FCGR3B: variants seen among roughly 807,000 people sequenced by gnomAD.
FCGR3B encodes the protein low affinity immunoglobulin gamma Fc region receptor III-B.
Under a neutral mutation model 26.7 loss-of-function variants are expected in FCGR3B, and 20 were observed. That is an observed-to-expected ratio of 0.75 (90% CI 0.53 to 1.09). The LOEUF is 1.09. Ranked by LOEUF, FCGR3B falls within the 50% of genes least tolerant of loss-of-function variation. The probability of loss-of-function intolerance (pLI) is 0.00; values close to 1 mark genes in which losing one functional copy is unlikely to be tolerated. For missense variants in FCGR3B, 191 were observed against 279.7 expected (o/e 0.68, Z 2.26); for synonymous variants, 79 against 107.0 (o/e 0.74, Z 1.62).
chr1:161,628,059 G>T (rs1389941785), intron 3 of FCGR3B, among the ~76,000 whole-genome samples: 1 of 149,914 alleles, frequency 6.7e-6, no homozygotes, highest in Non-Finnish European at 1.5e-5. Context: ...AGATCACGAG[G>T]TCAGGAGATC....
intron 3 of FCGR3B, among the ~76,000 whole-genome samples, chr1:161,627,482 C>T (rs1679523985): frequency 6.7e-6 from 1 of 150,298 alleles, no homozygotes; most frequent in South Asian, 2.1e-4. Context: ...AATCTACTAC[C>T]TGATGCTAAA....
chr1:161,630,323 A>C (rs371316101), intron 2 of FCGR3B, 45 bp downstream of exon 2: 1 of 1,570,932 alleles, frequency 6.4e-7, no homozygotes, highest in Non-Finnish European at 8.7e-7. Context: ...CATTGTCCCC[A>C]TATGTGCCCC....
rs375134752 is a variant in FCGR3B, at chr1:161,630,374, G to A, written c.55C>T (p.Arg19Trp). The A allele has an allele frequency of 1.8e-5, 29 of 1,605,186 alleles. No homozygotes were observed. The highest frequency in any genetic ancestry group is 3.4e-5 in the Admixed American group (2 of 59,370). Residue 19 changes from arginine to tryptophan, a missense_variant, in exon 2 of 5, where the codon CGG becomes TGG. This residue lies in a region of FCGR3B where 88 missense variants were observed against 165.2 expected (regional missense o/e 0.53). Coordinates refer to ENST00000650385, the MANE Select transcript of FCGR3B (RefSeq NM_001244753.2). ...ALLLLVSAGMRTEDLPKAVVF... is the reference protein window; with the variant it reads ...ALLLLVSAGMWTEDLPKAVVF... ...GACCATGAAGCTGACTCACCAGTCC[G>A]CATGCCAGCTGAAACTGCAAGAAAA...
Position 161,631,044 on chromosome 1 carries a change from T to A in FCGR3B, c.40+11A>T. On this transcript the variant is annotated intron_variant, in intron 1 of 4. Transcript: ENST00000650385. ...CAAACTTCTCCCTCAACCAGGGAGA[T>A]CCTGACTTACCTAGAAGTAGCAGAG... 1 of 1,604,310 alleles carries A rather than the reference T, an allele frequency of 6.2e-7. No individual in the cohort carries two copies. Among genetic ancestry groups the A allele is most frequent in the Non-Finnish European group, 8.5e-7 (1 of 1,176,498 alleles).
In FCGR3B at chr1:161,625,027, A is replaced by C. The variant is rs568351442; in HGVS notation, c.578-388T>G. On this transcript the variant is annotated intron_variant, in intron 4 of 4. Coordinates refer to ENST00000650385, the MANE Select transcript of FCGR3B (RefSeq NM_001244753.2). ...AAACTCTTGATTTTGATATATTTCC[A>C]AACTTAAAAAAAATGACCAGAATAG... Among the ~76,000 whole-genome samples, 8 of 139,542 alleles carry C rather than the reference A, an allele frequency of 5.7e-5. 1 individual carries two copies. Among genetic ancestry groups the C allele is most frequent in the South Asian group, 4.6e-4 (2 of 4,324 alleles). 91.5% of individuals were successfully genotyped at this position (139,542 alleles called of 152,430 possible).
At position 161,630,971 on chromosome 1, in the gene FCGR3B, G is replaced by T. The variant is rs1434239422; in HGVS notation, c.40+84C>A. On this transcript the variant is annotated intron_variant, in intron 1 of 4. Coordinates refer to ENST00000650385, the MANE Select transcript of FCGR3B (RefSeq NM_001244753.2). ...TGAGGGGTCCCATCCCTTTGTGGGA[G>T]TCTCATTCGTAGCCTGAAAAGGGGT... 9 of 1,505,666 alleles carry T rather than the reference G, an allele frequency of 6.0e-6. No homozygotes were observed. In the South Asian group the frequency reaches 9.5e-5, roughly 16 times the overall value. 93.3% of individuals were successfully genotyped at this position (1,505,666 alleles called of 1,614,324 possible). A position where few individuals can be genotyped will look rare whatever the true frequency, so the allele number is the denominator to read the frequency against.
At position 161,624,185 on chromosome 1, in the gene FCGR3B, G is replaced by T; in HGVS notation, c.*330C>A. ...TATTGTTGCTTTGCTGTGAGGGAAT[G>T]GTTGGGACAGAAAAAGTGTTTGTGT... On this transcript the variant is annotated 3_prime_UTR_variant, in exon 5 of 5. Transcript: ENST00000650385. 3.4e-6 allele frequency: 1 copy of T among 295,036 alleles called. No individual in the cohort carries two copies. Among genetic ancestry groups the T allele is most frequent in the South Asian group, 7.3e-5 (1 of 13,780 alleles). The allele number at this position is 295,036 out of a possible 1,614,324, so 18.3% of individuals were successfully genotyped here.
chr1:161,631,940 G>A (rs1679764706), upstream of FCGR3B: 1 of 147,980 alleles, frequency 6.8e-6, no homozygotes, highest in African/African-American at 2.5e-5. Flanking sequence ...CCGGGCCACT[G>A]GATCTGGGCT....
rs532065559 is a variant in FCGR3B, at chr1:161,629,949, C to G, written c.148G>C (p.Ala50Pro). ...GTGGAATTGTCCTCAGGGGAGTAGG[C>G]TCCCTGGCACTTCAGAGTCACACTG... is the stretch of plus-strand genomic sequence containing the variant. ...KDSVTLKCQGAYSPEDNSTQW... is the reference protein window; with the variant it reads ...KDSVTLKCQGPYSPEDNSTQW... The change falls in exon 3 of 5, where the codon GCC becomes CCC. Residue 50 changes from alanine to proline, a missense_variant. By Grantham distance (27) the Ala-to-Pro change is conservative. Around this residue, in one of 2 missense-constraint regions of FCGR3B, gnomAD observed 88 missense variants for 165.2 expected, o/e 0.53. Coordinates refer to ENST00000650385, the MANE Select transcript of FCGR3B (RefSeq NM_001244753.2). 6.6e-7 allele frequency: 1 copy of G among 1,516,512 alleles called. No individual in the cohort carries two copies. Among genetic ancestry groups the G allele is most frequent in the Admixed American group, 1.9e-5 (1 of 51,976 alleles). The allele number at this position is 1,516,512 out of a possible 1,614,324, so 93.9% of individuals were successfully genotyped here. A position where few individuals can be genotyped will look rare whatever the true frequency, so the allele number is the denominator to read the frequency against.
rs1015585353 is a variant in FCGR3B, at chr1:161,624,118, G to A, written c.*397C>T. On this transcript the variant is annotated 3_prime_UTR_variant, in exon 5 of 5. Coordinates refer to ENST00000650385, the MANE Select transcript of FCGR3B (RefSeq NM_001244753.2). Reference sequence around the variant, plus strand: ...CTCTAAACTGGGTAATTTATAATACGAGCAATTTTTGTATGTTTAAAGGAT... The same window carrying A: ...CTCTAAACTGGGTAATTTATAATACAAGCAATTTTTGTATGTTTAAAGGAT... The A allele has an allele frequency of 2.5e-4, 42 of 170,846 alleles. 1 individual carries two copies. Among genetic ancestry groups the A allele is most frequent in the Middle Eastern group, 2.7e-3 (1 of 370 alleles). 10.6% of individuals were successfully genotyped at this position (170,846 alleles called of 1,614,324 possible).
Position 161,627,087 on chromosome 1 carries a change from A to G in FCGR3B, c.320-685T>C, listed in dbSNP as rs117210886. Among the ~76,000 whole-genome samples the G allele has an allele frequency of 3.5e-3, 528 of 149,656 alleles. 29 individuals carry two copies. Among genetic ancestry groups the G allele is most frequent in the East Asian group, 0.03 (153 of 5,126 alleles). ...TTATATCGCCAGAGCTTATTCTCAC[A>G]ATCATGTCACCAAGTAATCAGACTT... is the stretch of plus-strand genomic sequence containing the variant. On this transcript the variant is annotated intron_variant, in intron 3 of 4. Transcript: ENST00000650385.
intron 2 of FCGR3B, 84 bp from the exon 3 acceptor site, chr1:161,630,119 A>T: frequency 8.1e-7 from 1 of 1,228,220 alleles, no homozygotes; most frequent in Non-Finnish European, 1.1e-6. Context: ...CAAAGCCAGA[A>T]TGAGCTCATT....
At chr1:161,627,111 T>C (rs1160388365) in intron 3 of FCGR3B, among the ~76,000 whole-genome samples, 1 of 149,902 alleles carries the variant, frequency 6.7e-6, no homozygotes, top group African/African-American at 2.5e-5. Context: ...GTAATCAGAC[T>C]TCACAAAGAG....
rs1679292414 is a variant in FCGR3B, at chr1:161,623,251, A to C, written c.*1264T>G. ...TTGCCATCTTCTATCTAAGAGTAGC[A>C]TGCAAGATCTTGTAAAATGCTTTAT... On this transcript the variant is annotated 3_prime_UTR_variant, in exon 5 of 5. Transcript: ENST00000650385. 1 of 150,256 alleles carries C rather than the reference A, an allele frequency of 6.7e-6. No individual in the cohort carries two copies. Among genetic ancestry groups the C allele is most frequent in the Non-Finnish European group, 1.5e-5 (1 of 67,696 alleles). 9.3% of individuals were successfully genotyped at this position (150,256 alleles called of 1,614,324 possible).
upstream of FCGR3B, chr1:161,631,468 A>C: frequency 2.0e-6 from 1 of 508,840 alleles, no homozygotes; most frequent in Non-Finnish European, 3.4e-6. Context: ...AGAATGGGAC[A>C]GCAAGACCCT....
At position 161,630,892 on chromosome 1, in the gene FCGR3B, T is replaced by G. The variant is rs935473753; in HGVS notation, c.40+163A>C. The G allele has an allele frequency of 4.7e-5, 67 of 1,431,718 alleles. 3 individuals carry two copies. The highest frequency in any genetic ancestry group is 6.1e-5 in the Non-Finnish European group (67 of 1,089,520). 88.7% of individuals were successfully genotyped at this position (1,431,718 alleles called of 1,614,324 possible). ...CAATTGGAACCAGCATTCTCCTCAT[T>G]TCTAGCCCCATCTTGGCTTGTCCTG... On this transcript the variant is annotated intron_variant, in intron 1 of 4. Coordinates refer to ENST00000650385, the MANE Select transcript of FCGR3B (RefSeq NM_001244753.2).
chr1:161,625,383 C>G (rs1241823927), intron 4 of FCGR3B, among the ~76,000 whole-genome samples: 2 of 127,010 alleles, frequency 1.6e-5, no homozygotes, highest in African/African-American at 6.2e-5. Flanking sequence ...TTGTGGATGA[C>G]TTAATGGGAT....
upstream of FCGR3B, chr1:161,631,188 A>G (rs1489462531): frequency 6.2e-7 from 1 of 1,603,402 alleles, no homozygotes; most frequent in African/African-American, 1.4e-5. Context: ...GCCTTTCCCC[A>G]GTCCCTCCAC....
intron 4 of FCGR3B, 133 bp from the exon 5 acceptor site, chr1:161,624,772 T>C: frequency 9.6e-6 from 8 of 834,606 alleles, no homozygotes; most frequent in Non-Finnish European, 1.5e-5. Flanking sequence ...TGGGGAGGTC[T>C]GGGGGAAAGT....
Sources: gnomAD v4.1 joint callset for allele counts (sites outside exome capture counted in the v4.1 genomes callset) on GRCh38, gnomAD v4.1.1 for gene constraint, gnomAD v4.1.1 regional missense constraint, MANE v1.5 for transcripts, NCBI Gene and HGNC (gene_info 2026-07-23, HGNC 2026-07-21) for gene names.